TBL1X: variants seen among roughly 807,000 people sequenced by gnomAD.
The protein encoded by TBL1X is transducin beta like 1 X-linked.
In TBL1X, 10 loss-of-function variants were observed where a neutral mutation model predicts 50.7. That is an observed-to-expected ratio of 0.20 (90% CI 0.12 to 0.33). The LOEUF is 0.33. Ranked by LOEUF, TBL1X falls within the 10% of genes least tolerant of loss-of-function variation. The pLI, the probability that TBL1X is intolerant of heterozygous loss-of-function variation, is 1.00. For synonymous variants in TBL1X, 190 were observed against 214.7 expected (o/e 0.88, Z 1.01); for missense variants, 340 against 504.4 (o/e 0.67, Z 3.12).
intron 5 of TBL1X, among the ~76,000 whole-genome samples, chrX:9,669,410 T>G (rs1051751677): frequency 9.0e-6 from 1 of 111,663 alleles, no homozygotes; most frequent in Non-Finnish European, 1.9e-5. Flanking sequence ...GTAAAATGTG[T>G]TCTTTCCTGT....
intron 1 of TBL1X, among the ~76,000 whole-genome samples, chrX:9,474,900 G>A (rs772779901): frequency 5.3e-5 from 6 of 112,566 alleles, no homozygotes; most frequent in Non-Finnish European, 7.5e-5. Context: ...TTGAGGCAGA[G>A]TCTCACTCTG....
chrX:9,683,065 C>T (rs903219375), intron 5 of TBL1X, among the ~76,000 whole-genome samples: 2 of 111,733 alleles, frequency 1.8e-5, no homozygotes, highest in Middle Eastern at 4.6e-3. Context: ...CAAAGTGACC[C>T]AGCCCTGCCA....
intron 2 of TBL1X, among the ~76,000 whole-genome samples, chrX:9,538,515 C>T (rs983729134): frequency 2.7e-5 from 3 of 112,307 alleles, no homozygotes; most frequent in Non-Finnish European, 5.6e-5. Flanking sequence ...AATATTAGGA[C>T]GTGCCCAGTC....
chrX:9,564,648 G>T (rs1230074441), intron 2 of TBL1X, among the ~76,000 whole-genome samples: 1 of 109,961 alleles, frequency 9.1e-6, no homozygotes, highest in African/African-American at 3.3e-5. Context: ...CAGGAGAATC[G>T]CTTGAACCCA....
chrX:9,551,783 C>T (rs752087442), intron 2 of TBL1X, among the ~76,000 whole-genome samples: 2 of 111,914 alleles, frequency 1.8e-5, no homozygotes, highest in East Asian at 5.7e-4. Context: ...TGGTGCACAC[C>T]TCTCATAAGC....
chrX:9,684,598 TAAAAA>T (rs3043994), intron 6 of TBL1X, among the ~76,000 whole-genome samples: 2 of 51,288 alleles, frequency 3.9e-5, no homozygotes, highest in Non-Finnish European at 6.3e-5. Context: ...TCTCTAAAAT[TAAAAA>T]AAAAAAAAAA....
intron 2 of TBL1X, among the ~76,000 whole-genome samples, chrX:9,620,023 G>A (rs2146567396): frequency 8.9e-6 from 1 of 112,404 alleles, no homozygotes; most frequent in African/African-American, 3.2e-5. Context: ...TAACTCAGTT[G>A]TAAGCTCTAC....
intron 2 of TBL1X, among the ~76,000 whole-genome samples, chrX:9,575,515 T>C: frequency 8.9e-6 from 1 of 112,095 alleles, no homozygotes; most frequent in Non-Finnish European, 1.9e-5. Flanking sequence ...GGTTCACTCA[T>C]GTTGTCCCCT....
At chrX:9,528,520 A>C (rs998618900) in intron 2 of TBL1X, among the ~76,000 whole-genome samples, 1 of 109,833 alleles carries the variant, frequency 9.1e-6, no homozygotes, top group African/African-American at 3.3e-5. Flanking sequence ...ACAGTTCAGT[A>C]TGGTACCCGG....
At chrX:9,714,108 CT>C (rs1413066178) in intron 16 of TBL1X, among the ~76,000 whole-genome samples, 27 of 112,079 alleles carry the variant, frequency 2.4e-4, no homozygotes, top group African/African-American at 8.4e-4. Flanking sequence ...GCCACCTCGC[CT>C]GGCCTTATTC....
chrX:9,680,107 C>T (rs1292043452), intron 5 of TBL1X, among the ~76,000 whole-genome samples: 1 of 111,256 alleles, frequency 9.0e-6, no homozygotes, highest in African/African-American at 3.3e-5. Flanking sequence ...GCTTGAGCCT[C>T]TTTTATAGGG....
chrX:9,693,732 T>G (rs1270897509), intron 11 of TBL1X, among the ~76,000 whole-genome samples: 2 of 111,605 alleles, frequency 1.8e-5, no homozygotes, highest in Non-Finnish European at 3.8e-5. Flanking sequence ...CCACGTGGTA[T>G]GGGGCGTGCC....
chrX:9,587,688 A>G (rs769356112), intron 2 of TBL1X, among the ~76,000 whole-genome samples: 2 of 111,271 alleles, frequency 1.8e-5, no homozygotes, highest in South Asian at 3.8e-4. Flanking sequence ...TGCAGTGCAC[A>G]GTTCAGAGGT....
intron 2 of TBL1X, among the ~76,000 whole-genome samples, chrX:9,523,624 G>A (rs1423484689): frequency 8.9e-6 from 1 of 112,516 alleles, no homozygotes; most frequent in East Asian, 2.8e-4. Flanking sequence ...CACAGTGTGG[G>A]GACAGAGACT....
intron 2 of TBL1X, among the ~76,000 whole-genome samples, chrX:9,627,426 A>T (rs1432222878): frequency 8.9e-6 from 1 of 112,110 alleles, no homozygotes; most frequent in Non-Finnish European, 1.9e-5. Context: ...AATATTGTGG[A>T]CTCTGTGGAC....
intron 2 of TBL1X, among the ~76,000 whole-genome samples, chrX:9,624,074 A>G (rs2082680582): frequency 8.9e-6 from 1 of 112,559 alleles, no homozygotes; most frequent in Non-Finnish European, 1.9e-5. Context: ...AAATCTCTGT[A>G]TAGTGGAGGA....
chrX:9,682,171 C>T (rs2083029301), intron 5 of TBL1X, among the ~76,000 whole-genome samples: 1 of 111,999 alleles, frequency 8.9e-6, no homozygotes. Flanking sequence ...GTTGGTGAAC[C>T]CAAGGGTGGG....
intron 2 of TBL1X, among the ~76,000 whole-genome samples, chrX:9,507,284 C>A (rs999938093): frequency 8.9e-6 from 1 of 111,768 alleles, no homozygotes; most frequent in Non-Finnish European, 1.9e-5. Context: ...ACAAGCATTC[C>A]TTTACACCAA....
chrX:9,688,897 G>A (rs1437520766), intron 7 of TBL1X, among the ~76,000 whole-genome samples: 5 of 113,624 alleles, frequency 4.4e-5, no homozygotes, highest in Non-Finnish European at 7.5e-5. Context: ...CCGTGTGCGC[G>A]CATGCACTTG....
Sources: gnomAD v4.1 joint callset for allele counts (sites outside exome capture counted in the v4.1 genomes callset) on GRCh38, gnomAD v4.1.1 for gene constraint, MANE v1.5 for transcripts, NCBI Gene and HGNC (gene_info 2026-07-23, HGNC 2026-07-21) for gene names.